FRMD4B: variants seen among roughly 807,000 people sequenced by gnomAD.
The protein encoded by FRMD4B is FERM domain-containing protein 4B.
Under a neutral mutation model 141.5 loss-of-function variants are expected in FRMD4B, and 74 were observed. That is an observed-to-expected ratio of 0.52 (90% CI 0.43 to 0.63). FRMD4B has a LOEUF of 0.63. Ranked by LOEUF, FRMD4B falls within the 30% of genes least tolerant of loss-of-function variation. The pLI, the probability that FRMD4B is intolerant of heterozygous loss-of-function variation, is 0.00. For synonymous variants in FRMD4B, 506 were observed against 467.9 expected (o/e 1.08, Z -1.05); for missense variants, 1,366 against 1,253.4 (o/e 1.09, Z -1.36).
At chr3:69,311,124 C>A (rs760431610) in intron 3 of FRMD4B, 139 bp downstream of exon 3, 2 of 495,480 alleles carry the variant, frequency 4.0e-6, no homozygotes, top group Admixed American at 7.0e-5. Flanking sequence ...GGAGAAAAAT[C>A]GCATATTAAA....
At position 69,230,703 on chromosome 3, in the gene FRMD4B, G is replaced by A. The variant is rs545376572; in HGVS notation, c.582-6013C>T. On this transcript the variant is annotated intron_variant, in intron 7 of 22. Coordinates refer to ENST00000398540, the MANE Select transcript of FRMD4B (RefSeq NM_015123.3). ...GCAGAGGCTGCAGTGAGTTGAGATC[G>A]CATCATCGCACCCCAGCCTGGACAA... 1.3e-4 allele frequency among the ~76,000 whole-genome samples: 20 copies of A among 151,268 alleles called. No individual in the cohort carries two copies. In the East Asian group the frequency reaches 2.3e-3, roughly 18 times the overall value.
chr3:69,405,708 A>G (rs1704639541), intron 2 of FRMD4B, among the ~76,000 whole-genome samples: 1 of 152,178 alleles, frequency 6.6e-6, no homozygotes, highest in Non-Finnish European at 1.5e-5. Flanking sequence ...GATACGCCAC[A>G]ACATCTGGCT....
chr3:69,347,415 C>T (rs1702984033), intron 1 of FRMD4B, among the ~76,000 whole-genome samples: 1 of 152,146 alleles, frequency 6.6e-6, no homozygotes, highest in South Asian at 2.1e-4. Context: ...CAACATCAGA[C>T]AGATCAATGA....
intron 11 of FRMD4B, among the ~76,000 whole-genome samples, chr3:69,203,137 C>T (rs1174817971): frequency 1.3e-5 from 2 of 149,966 alleles, no homozygotes; most frequent in East Asian, 2.0e-4. Context: ...TAGACGATTA[C>T]AGTTTATTTA....
intron 1 of FRMD4B, among the ~76,000 whole-genome samples, chr3:69,461,622 T>TCA (rs1705708378): frequency 3.0e-4 from 2 of 6,762 alleles, no homozygotes. Flanking sequence ...AGACTCTGTC[T>TCA]CAAAAAAAAA....
intron 2 of FRMD4B, among the ~76,000 whole-genome samples, chr3:69,420,657 A>C (rs1176367107): frequency 2.6e-5 from 4 of 152,192 alleles, no homozygotes; most frequent in Admixed American, 1.3e-4. Context: ...AGGCACCTGA[A>C]CGGGACATGA....
intron 1 of FRMD4B, among the ~76,000 whole-genome samples, chr3:69,485,272 A>T (rs1162612320): frequency 6.6e-6 from 1 of 152,220 alleles, no homozygotes; most frequent in East Asian, 1.9e-4. Context: ...GGGGGAGGCC[A>T]GGCAGCTGGA....
At chr3:69,215,739 T>C (rs959059560) in intron 11 of FRMD4B, among the ~76,000 whole-genome samples, 2 of 152,174 alleles carry the variant, frequency 1.3e-5, no homozygotes, top group Admixed American at 6.5e-5. Context: ...ACCAAAACTT[T>C]TGGGTCATGT....
intron 5 of FRMD4B, among the ~76,000 whole-genome samples, chr3:69,277,516 C>CTTTTTTTTTTTTTTTTTTTT (rs55745266): frequency 1.7e-5 from 1 of 60,438 alleles, no homozygotes; most frequent in African/African-American, 7.2e-5. Context: ...TTTCTTTCTG[C>CTTTTTTTTTTTTTTTTTTTT]TTTTTTTTTT....
chr3:69,496,629 G>GAA (rs1320263591), intron 1 of FRMD4B, among the ~76,000 whole-genome samples: 151 of 86,504 alleles, frequency 1.7e-3, no homozygotes, highest in African/African-American at 8.3e-3. Context: ...GAGAGAGAGA[G>GAA]AGAGAGAAAG....
intron 22 of FRMD4B, among the ~76,000 whole-genome samples, chr3:69,175,935 C>A (rs1273914515): frequency 6.6e-6 from 1 of 152,098 alleles, no homozygotes; most frequent in East Asian, 1.9e-4. Flanking sequence ...CGCCCGCCAC[C>A]ATGCCCAACT....
At chr3:69,307,082 G>A (rs1164808891) in intron 3 of FRMD4B, among the ~76,000 whole-genome samples, 1 of 151,956 alleles carries the variant, frequency 6.6e-6, no homozygotes, top group Non-Finnish European at 1.5e-5. Context: ...AACACGACTA[G>A]AGCCAGGAGA....
At chr3:69,372,678 T>TAAACAAAC (rs143155420) in intron 1 of FRMD4B, among the ~76,000 whole-genome samples, 8 of 151,932 alleles carry the variant, frequency 5.3e-5, no homozygotes, top group East Asian at 3.9e-4. Context: ...AACAAATAAA[T>TAAACAAAC]AAATAAACAA....
chr3:69,190,043 C>T (rs1297702971), intron 17 of FRMD4B, 91 bp from the exon 18 acceptor site: 4 of 710,066 alleles, frequency 5.6e-6, no homozygotes, highest in East Asian at 5.2e-5. Flanking sequence ...AATGCATTTT[C>T]ATTTAAATAA....
intron 1 of FRMD4B, chr3:69,535,775 T>C: frequency 2.1e-6 from 1 of 473,232 alleles, no homozygotes; most frequent in South Asian, 1.5e-5. Context: ...GGCACCACCT[T>C]GGACCCACTG....
intron 5 of FRMD4B, among the ~76,000 whole-genome samples, chr3:69,260,449 C>G (rs2093519300): frequency 1.3e-5 from 2 of 152,244 alleles, no homozygotes; most frequent in South Asian, 4.1e-4. Context: ...ACCGGGTCCC[C>G]CAGCACTGCT....
intron 5 of FRMD4B, among the ~76,000 whole-genome samples, chr3:69,262,982 G>C (rs2093537642): frequency 6.6e-6 from 1 of 152,062 alleles, no homozygotes; most frequent in Non-Finnish European, 1.5e-5. Flanking sequence ...TTGTAGGCTG[G>C]GCACGGTGGC....
At chr3:69,423,806 C>A (rs1183153748) in intron 2 of FRMD4B, among the ~76,000 whole-genome samples, 1 of 152,090 alleles carries the variant, frequency 6.6e-6, no homozygotes, top group African/African-American at 2.4e-5. Flanking sequence ...TCAGGGTCTA[C>A]CAAATCAAGT....
At chr3:69,355,772 C>A (rs1224981410) in intron 1 of FRMD4B, among the ~76,000 whole-genome samples, 1 of 152,124 alleles carries the variant, frequency 6.6e-6, no homozygotes, top group African/African-American at 2.4e-5. Context: ...CACCTGTAAT[C>A]TCAGCACTTT....
Sources: gnomAD v4.1 joint callset for allele counts (sites outside exome capture counted in the v4.1 genomes callset) on GRCh38, gnomAD v4.1.1 for gene constraint, MANE v1.5 for transcripts, NCBI Gene and HGNC (gene_info 2026-07-23, HGNC 2026-07-21) for gene names.